The following MFSD11 variants were observed in gnomAD, a reference collection of about 807,000 sequenced individuals.
MFSD11 encodes the protein major facilitator superfamily domain containing 11.
A neutral mutation model predicts 53.5 loss-of-function variants in MFSD11; 36 were observed. The observed-to-expected ratio is 0.67, with a 90% CI of 0.52 to 0.89. The LOEUF (loss-of-function observed/expected upper bound fraction) is 0.89, where lower values mean the gene tolerates loss of function less well. Ranked by LOEUF, MFSD11 falls within the 40% of genes least tolerant of loss-of-function variation. The probability of loss-of-function intolerance (pLI) is 0.00; values close to 1 mark genes in which losing one functional copy is unlikely to be tolerated. For missense variants in MFSD11, 530 were observed against 543.9 expected, an observed-to-expected ratio of 0.97 and a Z score of 0.25; for synonymous variants, 186 against 184.9, an observed-to-expected ratio of 1.01 and a Z score of -0.05.
chr17:76,756,861 GA>G (rs912586788), intron 8 of MFSD11, among the ~76,000 whole-genome samples: 429 of 100,514 alleles, frequency 4.3e-3, no homozygotes, highest in Non-Finnish European at 5.4e-3. Flanking sequence ...CTCCATCTCA[GA>G]AAAAAAAAAA....
intron 10 of MFSD11, among the ~76,000 whole-genome samples, chr17:76,773,868 A>AGTGCTGGGATTACAGGC (rs1165570959): frequency 6.6e-6 from 1 of 152,098 alleles, no homozygotes; most frequent in Non-Finnish European, 1.5e-5. Context: ...GACCTCCCAA[A>AGTGCTGGGATTACAGGC]GTGCTGGGAT....
chr17:76,767,086 A>T (rs1179270059), intron 8 of MFSD11: 1 of 275,358 alleles, frequency 3.6e-6, no homozygotes, highest in East Asian at 9.4e-5. Context: ...ATGCCTTTTG[A>T]AGTACTTTGT....
intron 7 of MFSD11, chr17:76,745,585 C>T (rs1448602726): frequency 1.3e-5 from 2 of 152,158 alleles, no homozygotes; most frequent in Non-Finnish European, 2.9e-5. Context: ...TTTGATGTTA[C>T]TATTGCAATT....
chr17:76,755,814 T>A (rs372132592), intron 8 of MFSD11, among the ~76,000 whole-genome samples: 177 of 7,662 alleles, frequency 0.023, no homozygotes, highest in Middle Eastern at 0.12. Context: ...ATATATATAT[T>A]TTTTTTTTTT....
upstream of MFSD11, chr17:76,737,368 T>C (rs921746974): frequency 3.5e-6 from 2 of 572,952 alleles, no homozygotes; most frequent in Non-Finnish European, 5.7e-6. Flanking sequence ...TTTATATCGC[T>C]CCTCACAAAA....
intron 8 of MFSD11, among the ~76,000 whole-genome samples, chr17:76,755,171 C>CA (rs1483110301): frequency 1.3e-5 from 2 of 151,126 alleles, no homozygotes; most frequent in Non-Finnish European, 2.9e-5. Context: ...GAGCTGATAT[C>CA]ACGCCACTGC....
upstream of MFSD11, chr17:76,736,792 C>G (rs1278022609): frequency 1.3e-6 from 2 of 1,541,750 alleles, no homozygotes; most frequent in Non-Finnish European, 1.7e-6. Context: ...CCCTCAGCCC[C>G]GTTTACCTGC....
At chr17:76,737,892 T>C, upstream of MFSD11, 1 of 174,282 alleles carries the variant, frequency 5.7e-6, no homozygotes, top group Non-Finnish European at 1.2e-5. Context: ...CGGTGGGGAC[T>C]CCCCGCGGAG....
intron 2 of MFSD11, 62 bp downstream of exon 2, chr17:76,739,055 A>C (rs920911469): frequency 1.4e-5 from 17 of 1,216,624 alleles, no homozygotes; most frequent in Non-Finnish European, 2.1e-5. Flanking sequence ...ATCTCATCAG[A>C]ATCACCAGCA....
chr17:76,755,799 TATATATATATATA>T (rs1568076036), intron 8 of MFSD11, among the ~76,000 whole-genome samples: 3 of 25,440 alleles, frequency 1.2e-4, no homozygotes, highest in Non-Finnish European at 2.8e-4. Flanking sequence ...TACATATATA[TATATATATATATA>T]TTTTTTTTTT....
At chr17:76,777,042 C>T (rs982799716) in intron 12 of MFSD11, among the ~76,000 whole-genome samples, 14 of 152,060 alleles carry the variant, frequency 9.2e-5, no homozygotes, top group African/African-American at 2.9e-4. Flanking sequence ...CCAAGGTGGG[C>T]GGATCACGAG....
intron 7 of MFSD11, among the ~76,000 whole-genome samples, chr17:76,748,982 AAC>A (rs1447703481): frequency 1.3e-5 from 2 of 152,144 alleles, no homozygotes; most frequent in Non-Finnish European, 2.9e-5. Context: ...TGCTAAATAA[AAC>A]AGAAGTTTGT....
chr17:76,794,893 A>G, the MFSD11 span, among the ~76,000 whole-genome samples: 1 of 150,748 alleles, frequency 6.6e-6, no homozygotes, highest in South Asian at 2.1e-4. Flanking sequence ...ACGGGGTTTC[A>G]CCATCCTGGC....
Position 76,776,337 on chromosome 17 carries a change from G to A in MFSD11, c.1050-69G>A. 2 of 1,512,976 alleles carry A rather than the reference G, an allele frequency of 1.3e-6. No individual in the cohort carries two copies. The highest frequency in any genetic ancestry group is 2.4e-5 in the South Asian group (2 of 82,758). 93.7% of individuals were successfully genotyped at this position (1,512,976 alleles called of 1,614,324 possible). On this transcript the variant is annotated intron_variant, in intron 11 of 12. Transcript: ENST00000685175. The surrounding 1 kb of genome is among the most constrained non-coding windows in gnomAD (Gnocchi z 4.2). ...TGCAGGTAGAATTCTTTTGTGGGTG[G>A]GTTGCTTGTATATTTTAAATGGCTC... is the stretch of plus-strand genomic sequence containing the variant.
chr17:76,793,695 T>C, the MFSD11 span, among the ~76,000 whole-genome samples: 2 of 151,576 alleles, frequency 1.3e-5, no homozygotes, highest in Non-Finnish European at 2.9e-5. Flanking sequence ...TCACAATTTA[T>C]GTTCAGAGAT....
chr17:76,779,397 T>C (rs181159788), downstream of MFSD11: 101 of 152,084 alleles, frequency 6.6e-4, no homozygotes, highest in African/African-American at 2.4e-3. Context: ...TAAGTTTTCT[T>C]ACCTTGTAGC....
chr17:76,750,556 C>T (rs1160465945), intron 7 of MFSD11, among the ~76,000 whole-genome samples: 2 of 151,860 alleles, frequency 1.3e-5, no homozygotes, highest in Admixed American at 6.6e-5. Context: ...CTGAGTTTCA[C>T]TGTGTTAGCC....
At chr17:76,780,696 A>G (rs549659196), downstream of MFSD11, among the ~76,000 whole-genome samples, 14 of 151,748 alleles carry the variant, frequency 9.2e-5, no homozygotes, top group African/African-American at 3.1e-4. Flanking sequence ...TTGTATTTTC[A>G]GTAGAGACGG....
At chr17:76,778,144 T>C (rs2082010823) in intron 12 of MFSD11, 44 bp from the exon 13 acceptor site, 2 of 1,610,486 alleles carry the variant, frequency 1.2e-6, no homozygotes, top group Non-Finnish European at 1.7e-6. Context: ...TGGCTCAGTG[T>C]GGCCCCCGGT....
Sources: allele counts gnomAD v4.1 joint callset (sites outside exome capture counted in the v4.1 genomes callset), GRCh38; gene constraint gnomAD v4.1.1; non-coding constraint Gnocchi (gnomAD v3.1); transcripts MANE v1.5; gene names NCBI Gene and HGNC (gene_info 2026-07-23, HGNC 2026-07-21).